ABCD2: variants seen among roughly 807,000 people sequenced by gnomAD.
ABCD2 encodes ATP binding cassette subfamily D member 2, also known as ATP-binding cassette sub-family D member 2.
In ABCD2, 36 loss-of-function variants were observed where a neutral mutation model predicts 70.9. That is an observed-to-expected ratio of 0.51 (90% CI 0.39 to 0.67). The LOEUF (loss-of-function observed/expected upper bound fraction) is 0.67. ABCD2 is among the 30% of genes least tolerant of loss of function. ABCD2 has a pLI of 0.00. For missense variants in ABCD2, 729 were observed against 890.2 expected, an observed-to-expected ratio of 0.82 and a Z score of 2.30; for synonymous variants, 304 against 306.9, an observed-to-expected ratio of 0.99 and a Z score of 0.10.
At chr12:39,599,881 A>C (rs1213729091) in intron 6 of ABCD2, among the ~76,000 whole-genome samples, 1 of 152,230 alleles carries the variant, frequency 6.6e-6, no homozygotes, top group Non-Finnish European at 1.5e-5. Flanking sequence ...ATGATGACAG[A>C]TGGAAAAATT....
the ABCD2 span, among the ~76,000 whole-genome samples, chr12:39,542,771 G>C: frequency 6.6e-6 from 1 of 152,108 alleles, no homozygotes; most frequent in Non-Finnish European, 1.5e-5. Context: ...AGTATAGAAT[G>C]AATGAGGATA....
intron 8 of ABCD2, 76 bp downstream of exon 8, chr12:39,579,459 A>G (rs989389989): frequency 1.9e-6 from 2 of 1,034,824 alleles, no homozygotes; most frequent in African/African-American, 1.6e-5. Context: ...ATCCTGTCCA[A>G]ACTTTTGTTG....
chr12:39,601,395 A>G (rs994780076), intron 5 of ABCD2, among the ~76,000 whole-genome samples: 1 of 151,296 alleles, frequency 6.6e-6, no homozygotes, highest in African/African-American at 2.4e-5. Context: ...AATAATATAT[A>G]TATATAATAT....
At chr12:39,600,784 T>A in intron 5 of ABCD2, 68 bp from the exon 6 acceptor site, 1 of 1,385,386 alleles carries the variant, frequency 7.2e-7, no homozygotes, top group Non-Finnish European at 9.9e-7. Context: ...CACCTAAAAG[T>A]AAATTATTTT....
chr12:39,574,737 CA>C (rs1219078996), intron 8 of ABCD2, among the ~76,000 whole-genome samples: 1 of 151,678 alleles, frequency 6.6e-6, no homozygotes, highest in South Asian at 2.1e-4. Context: ...ATTTTCTTTA[CA>C]AAAAAATTCT....
At chr12:39,568,503 T>G (rs1425978460) in intron 9 of ABCD2, among the ~76,000 whole-genome samples, 2 of 152,206 alleles carry the variant, frequency 1.3e-5, no homozygotes, top group Admixed American at 6.5e-5. Context: ...CTTCTCTGCA[T>G]TGGTTTTTCT....
chr12:39,560,326 C>T (rs1941236688), intron 9 of ABCD2, among the ~76,000 whole-genome samples: 3 of 152,140 alleles, frequency 2.0e-5, no homozygotes, highest in Admixed American at 1.3e-4. Flanking sequence ...CATGTCCCTA[C>T]AAAGGACATG....
At chr12:39,567,957 A>C (rs374114164) in intron 9 of ABCD2, among the ~76,000 whole-genome samples, 5,507 of 151,504 alleles carry the variant, frequency 0.036, 122 homozygotes, top group African/African-American at 0.061. Context: ...ATTGGCCCCC[A>C]CTCTCTTCTG....
intron 9 of ABCD2, among the ~76,000 whole-genome samples, chr12:39,562,638 A>G (rs1941277512): frequency 1.3e-5 from 2 of 152,168 alleles, no homozygotes; most frequent in Admixed American, 1.3e-4. Context: ...ACTATGAAGA[A>G]ACAGAAAATG....
chr12:39,535,637 C>A, the ABCD2 span, among the ~76,000 whole-genome samples: 2 of 152,032 alleles, frequency 1.3e-5, no homozygotes, highest in African/African-American at 2.4e-5. Context: ...CTTTAACATT[C>A]AACGAATTGA....
chr12:39,543,057 A>AT, the ABCD2 span, among the ~76,000 whole-genome samples: 1 of 152,234 alleles, frequency 6.6e-6, no homozygotes, highest in Non-Finnish European at 1.5e-5. Context: ...TTTTCCACAT[A>AT]TGAAGAGAAC....
downstream of ABCD2, among the ~76,000 whole-genome samples, chr12:39,546,762 T>A (rs1941029520): frequency 6.6e-6 from 1 of 151,946 alleles, no homozygotes; most frequent in Non-Finnish European, 1.5e-5. Context: ...TGAAAAAAAA[T>A]TTTAAATGTC....
intron 6 of ABCD2, among the ~76,000 whole-genome samples, chr12:39,600,079 A>G (rs1386358173): frequency 1.3e-5 from 2 of 152,246 alleles, no homozygotes; most frequent in Non-Finnish European, 2.9e-5. Context: ...TCATTCTTAC[A>G]GTAAAAAAAT....
intron 8 of ABCD2, among the ~76,000 whole-genome samples, chr12:39,575,916 G>A (rs1941509982): frequency 6.6e-6 from 1 of 152,074 alleles, no homozygotes; most frequent in Admixed American, 6.5e-5. Context: ...TTTATTTCAG[G>A]TTACAGATAT....
chr12:39,613,202 C>G lies in ABCD2; in HGVS notation c.1120+3786G>C, dbSNP rs1437304619. Among the ~76,000 whole-genome samples, 4 of 94,684 alleles carry G rather than the reference C, an allele frequency of 4.2e-5. 1 individual carries two copies. The East Asian group carries it at 1.1e-3, about 26-fold the overall frequency. The allele number at this position is 94,684 out of a possible 152,430, so 62.1% of individuals were successfully genotyped here. On this transcript the variant is annotated intron_variant, in intron 2 of 9. Coordinates refer to ENST00000308666, the MANE Select transcript of ABCD2 (RefSeq NM_005164.4). ...GAGATCGAGACCATCCCGGCTAAAA[C>G]GGTGAAACCCCGTCTCTACTAAAAA...
intron 2 of ABCD2, among the ~76,000 whole-genome samples, chr12:39,609,617 C>T (rs938977510): frequency 6.6e-6 from 1 of 152,092 alleles, no homozygotes; most frequent in African/African-American, 2.4e-5. Flanking sequence ...CTTCAAATTT[C>T]CAAACTAGAT....
At chr12:39,532,973 C>T in the ABCD2 span, among the ~76,000 whole-genome samples, 5 of 151,638 alleles carry the variant, frequency 3.3e-5, no homozygotes, top group South Asian at 6.3e-4. Context: ...ACCTGGCCAA[C>T]GTGGCAAATC....
intron 3 of ABCD2, among the ~76,000 whole-genome samples, chr12:39,606,651 T>C (rs547097290): frequency 1.3e-5 from 2 of 152,306 alleles, no homozygotes; most frequent in African/African-American, 2.4e-5. Context: ...TGCTAGCCCT[T>C]TGTAATTCTT....
intron 2 of ABCD2, among the ~76,000 whole-genome samples, chr12:39,611,357 T>G (rs1051301223): frequency 6.6e-6 from 1 of 152,190 alleles, no homozygotes; most frequent in Non-Finnish European, 1.5e-5. Flanking sequence ...TACCTTCTGA[T>G]CAGTTTTTGT....
Sources: gnomAD v4.1 joint callset for allele counts (sites outside exome capture counted in the v4.1 genomes callset) on GRCh38, gnomAD v4.1.1 for gene constraint, MANE v1.5 for transcripts, NCBI Gene and HGNC (gene_info 2026-07-23, HGNC 2026-07-21) for gene names.